EFL1: variants seen among roughly 807,000 people sequenced by gnomAD.
EFL1 encodes elongation factor like GTPase 1.
EFL1 carries 76 observed loss-of-function variants against 126.7 expected under a neutral mutation model. The ratio of observed to expected loss-of-function variants is 0.60; its 90% CI spans 0.50 to 0.73. The LOEUF (loss-of-function observed/expected upper bound fraction) is 0.73. EFL1 is among the 30% of genes least tolerant of loss of function. The pLI is 0.00. For missense variants in EFL1, 1,128 were observed against 1,343.2 expected (o/e 0.84, Z 2.50); for synonymous variants, 410 against 448.4 (o/e 0.91, Z 1.08).
chr15:82,131,322 C>T (rs1485663587), intron 19 of EFL1, among the ~76,000 whole-genome samples: 2 of 152,038 alleles, frequency 1.3e-5, no homozygotes, highest in Non-Finnish European at 2.9e-5. Context: ...AGACAGAGTT[C>T]TGCTCTGTTG....
At chr15:82,212,009 C>G (rs959710382) in intron 15 of EFL1, among the ~76,000 whole-genome samples, 1 of 152,108 alleles carries the variant, frequency 6.6e-6, no homozygotes, top group Non-Finnish European at 1.5e-5. Context: ...TTTTAAGCCA[C>G]TGGGAAACTG....
chr15:82,226,403 T>C (rs80020883), intron 11 of EFL1, among the ~76,000 whole-genome samples: 10,576 of 152,160 alleles, frequency 0.07, 659 homozygotes, highest in African/African-American at 0.16. Flanking sequence ...TGGGAAATAG[T>C]TGAATTCTGT....
At chr15:82,197,483 T>A (rs2074420065) in intron 15 of EFL1, among the ~76,000 whole-genome samples, 1 of 152,164 alleles carries the variant, frequency 6.6e-6, no homozygotes, top group African/African-American at 2.4e-5. Context: ...CTGGGAAACA[T>A]AAAACAAAAC....
intron 17 of EFL1, 118 bp from the exon 18 acceptor site, chr15:82,152,541 CT>C: frequency 1.1e-6 from 1 of 921,878 alleles, no homozygotes; most frequent in Non-Finnish European, 1.6e-6. Flanking sequence ...TAAAAATTAT[CT>C]TACTATGAAA....
chr15:82,179,296 G>A (rs2074225130), intron 15 of EFL1, among the ~76,000 whole-genome samples: 1 of 152,096 alleles, frequency 6.6e-6, no homozygotes, highest in South Asian at 2.1e-4. Context: ...TACCTCATCA[G>A]GTAAACAAAA....
At chr15:82,162,242 C>G (rs912747336) in intron 16 of EFL1, among the ~76,000 whole-genome samples, 2 of 152,140 alleles carry the variant, frequency 1.3e-5, no homozygotes, top group African/African-American at 4.8e-5. Context: ...GTGACTGAGC[C>G]ACTGCACTCC....
At chr15:82,147,140 T>C (rs973285769) in intron 18 of EFL1, among the ~76,000 whole-genome samples, 1 of 152,120 alleles carries the variant, frequency 6.6e-6, no homozygotes, top group Admixed American at 6.5e-5. Flanking sequence ...CAACAGCTGA[T>C]TCTGGCTTCA....
intron 15 of EFL1, among the ~76,000 whole-genome samples, chr15:82,180,372 A>AC (rs398028138): frequency 2.0e-5 from 2 of 99,058 alleles, no homozygotes; most frequent in African/African-American, 6.0e-5. Context: ...AAAAAAAAAA[A>AC]CAAAAAAAAA....
chr15:82,138,530 A>G lies in EFL1; in HGVS notation c.3174+128T>C, dbSNP rs139573495. The G allele has an allele frequency of 1.0e-4, 113 of 1,080,446 alleles. No individual in the cohort carries two copies. In the African/African-American group the frequency reaches 1.4e-3, roughly 13 times the overall value. The allele number at this position is 1,080,446 out of a possible 1,614,324, so 66.9% of individuals were successfully genotyped here. A position where few individuals can be genotyped will look rare whatever the true frequency, so the allele number is the denominator to read the frequency against. ...AAAAGCCATTTGCTTTCTCCTGTCCATTTGACTGAGTTGAGCCATAGGAAG... is the reference window on the plus strand; with the variant it reads ...AAAAGCCATTTGCTTTCTCCTGTCCGTTTGACTGAGTTGAGCCATAGGAAG... On this transcript the variant is annotated intron_variant, in intron 19 of 19. Coordinates refer to ENST00000268206, the MANE Select transcript of EFL1 (RefSeq NM_024580.6).
intron 15 of EFL1, among the ~76,000 whole-genome samples, chr15:82,188,897 A>T (rs1422719678): frequency 6.8e-6 from 1 of 147,538 alleles, no homozygotes; most frequent in African/African-American, 2.5e-5. Context: ...AGATTTTGCA[A>T]TGTTAGAGAA....
chr15:82,255,458 GT>G (rs1304081826), intron 3 of EFL1, among the ~76,000 whole-genome samples: 1 of 152,004 alleles, frequency 6.6e-6, no homozygotes, highest in Non-Finnish European at 1.5e-5. Context: ...TACCAGGCTT[GT>G]TTTTTCCATT....
intron 15 of EFL1, among the ~76,000 whole-genome samples, chr15:82,206,255 T>C (rs1346407285): frequency 2.0e-5 from 3 of 152,164 alleles, no homozygotes; most frequent in African/African-American, 2.4e-5. Context: ...AAGTCATCTA[T>C]GATAAGCAGG....
At chr15:82,223,290 G>A (rs2074730490) in intron 12 of EFL1, among the ~76,000 whole-genome samples, 1 of 150,734 alleles carries the variant, frequency 6.6e-6, no homozygotes, top group African/African-American at 2.4e-5. Flanking sequence ...CTAGAAGATG[G>A]AAAAGAACAA....
At chr15:82,189,380 C>T (rs1220377475) in intron 15 of EFL1, among the ~76,000 whole-genome samples, 1 of 152,092 alleles carries the variant, frequency 6.6e-6, no homozygotes, top group Non-Finnish European at 1.5e-5. Context: ...AAATCCCTAC[C>T]CATATGGAGC....
intron 15 of EFL1, among the ~76,000 whole-genome samples, chr15:82,175,096 A>G (rs747050997): frequency 6.6e-6 from 1 of 152,050 alleles, no homozygotes; most frequent in Non-Finnish European, 1.5e-5. Flanking sequence ...CCCACATTCT[A>G]TTTTCTCACA....
intron 15 of EFL1, among the ~76,000 whole-genome samples, chr15:82,181,254 C>G (rs1049131553): frequency 2.6e-5 from 4 of 152,114 alleles, no homozygotes; most frequent in African/African-American, 9.7e-5. Context: ...ACAAAATGCT[C>G]TCCAGATGAC....
At position 82,219,653 on chromosome 15, in the gene EFL1, C is replaced by A. The variant is rs187366076; in HGVS notation, c.1610G>T (p.Arg537Met). ...AAATATTTTACTTTCAATTCTTACC[C>A]TTCGTAAAAACTCAAGAGGACTGTA... ...PKYSPLEFLR[R>M]VPLGFSAPPD... The change falls in exon 14 of 20, where the codon AGG becomes ATG. Residue 537 changes from arginine (R) to methionine (M), a missense_variant and splice_region_variant. By Grantham distance (91) the Arg-to-Met change is moderately conservative. This residue lies in a region of EFL1 where 120 missense variants were observed against 142.1 expected (regional missense o/e 0.84). Transcript: ENST00000268206. 5.6e-6 allele frequency: 9 copies of A among 1,602,732 alleles called. No homozygotes were observed. The East Asian group carries it at 2.0e-4, about 36-fold the overall frequency.
At chr15:82,185,798 T>C (rs1425375565) in intron 15 of EFL1, among the ~76,000 whole-genome samples, 1 of 152,170 alleles carries the variant, frequency 6.6e-6, no homozygotes, top group African/African-American at 2.4e-5. Flanking sequence ...TGAAACAGTT[T>C]TGTAACATTT....
At chr15:82,179,798 A>G (rs2141258295) in intron 15 of EFL1, among the ~76,000 whole-genome samples, 1 of 120,480 alleles carries the variant, frequency 8.3e-6, no homozygotes, top group African/African-American at 3.2e-5. Flanking sequence ...TCACTTCTAT[A>G]TGGCTGGGTA....
Sources: gnomAD v4.1 joint callset for allele counts (sites outside exome capture counted in the v4.1 genomes callset) on GRCh38, gnomAD v4.1.1 for gene constraint, gnomAD v4.1.1 regional missense constraint, MANE v1.5 for transcripts, NCBI Gene and HGNC (gene_info 2026-07-23, HGNC 2026-07-21) for gene names.